Variants in RBFOX1 observed in about 807,000 individuals in gnomAD.
RBFOX1 encodes RNA binding fox-1 homolog 1, also known as RNA binding protein fox-1 homolog 1.
A neutral mutation model predicts 57.7 loss-of-function variants in RBFOX1; 8 were observed. The observed-to-expected ratio is 0.14, with a 90% CI of 0.08 to 0.25. The LOEUF is 0.25. Among genes scored for constraint, RBFOX1 ranks in the 10% least tolerant of loss-of-function variants. The pLI, the probability that RBFOX1 is intolerant of heterozygous loss-of-function variation, is 1.00. For missense variants in RBFOX1, 611 were observed against 548.5 expected (o/e 1.11, Z -1.14); for synonymous variants, 326 against 222.4 (o/e 1.47, Z -4.15).
intron 10 of RBFOX1, among the ~76,000 whole-genome samples, chr16:7,630,311 AC>A (rs2060741768): frequency 1.3e-5 from 2 of 151,936 alleles, no homozygotes; most frequent in South Asian, 4.2e-4. Context: ...TCAGTATGCC[AC>A]GCTGCTTCCA....
chr16:6,261,772 G>A (rs911653784), intron 1 of RBFOX1, among the ~76,000 whole-genome samples: 9 of 151,986 alleles, frequency 5.9e-5, no homozygotes, highest in Non-Finnish European at 8.8e-5. Flanking sequence ...GAGGCAGGTG[G>A]ATCACTTGAG....
intron 4 of RBFOX1, among the ~76,000 whole-genome samples, chr16:7,125,166 G>A (rs2068175845): frequency 6.6e-6 from 1 of 152,168 alleles, no homozygotes; most frequent in South Asian, 2.1e-4. Context: ...GCATGGTGGT[G>A]TTAAGTGTAA....
chr16:6,736,827 C>G lies in RBFOX1; in HGVS notation c.-16+82177C>G, dbSNP rs141891214. 7.5e-3 allele frequency among the ~76,000 whole-genome samples: 1,134 copies of G among 152,192 alleles called. 3 individuals are homozygous for G. The highest frequency in any genetic ancestry group is 0.012 in the Admixed American group (177 of 15,284). On this transcript the variant is annotated intron_variant, in intron 3 of 15. Transcript: ENST00000550418. ...AATGCTGTATTCATACATCTGAATT[C>G]CAGATGTGGATACCCTGGAAAGTGG... is the stretch of plus-strand genomic sequence containing the variant.
intron 4 of RBFOX1, among the ~76,000 whole-genome samples, chr16:7,287,862 A>G (rs923772268): frequency 2.6e-5 from 4 of 152,078 alleles, no homozygotes; most frequent in African/African-American, 9.7e-5. Context: ...TCCCCCACCC[A>G]TTTCGTGTGC....
chr16:5,259,974 T>A (rs8064071), intron 1 of RBFOX1, among the ~76,000 whole-genome samples: 65,296 of 151,960 alleles, frequency 0.43, 15,173 homozygotes, highest in East Asian at 0.68. Flanking sequence ...GCTGAGGTGG[T>A]CAGATCACTT....
chr16:6,719,364 T>G (rs1472511778), intron 3 of RBFOX1, among the ~76,000 whole-genome samples: 1 of 152,002 alleles, frequency 6.6e-6, no homozygotes, highest in African/African-American at 2.4e-5. Context: ...GTGTTAAAAT[T>G]ATCAGGGAAT....
intron 3 of RBFOX1, among the ~76,000 whole-genome samples, chr16:6,895,240 T>C (rs951777290): frequency 6.6e-6 from 1 of 151,624 alleles, no homozygotes; most frequent in African/African-American, 2.4e-5. Context: ...CAAATGTATA[T>C]CCCAAATGTA....
intron 4 of RBFOX1, among the ~76,000 whole-genome samples, chr16:7,285,421 T>C (rs796150096): frequency 9.2e-5 from 14 of 151,978 alleles, no homozygotes; most frequent in African/African-American, 3.1e-4. Context: ...GTGGTGGTAG[T>C]TTTATCTGGT....
intron 1 of RBFOX1, among the ~76,000 whole-genome samples, chr16:6,283,530 C>T (rs2076605671): frequency 6.6e-6 from 1 of 152,094 alleles, no homozygotes; most frequent in South Asian, 2.1e-4. Context: ...ACGTAGTATA[C>T]ATAGGTATTA....
chr16:6,146,087 C>G (rs1357609532), intron 1 of RBFOX1, among the ~76,000 whole-genome samples: 1 of 152,152 alleles, frequency 6.6e-6, no homozygotes, highest in Non-Finnish European at 1.5e-5. Flanking sequence ...TGTGTTCTAA[C>G]TATGGTGCTT....
chr16:6,045,080 G>A (rs982836555), intron 1 of RBFOX1, among the ~76,000 whole-genome samples: 1 of 152,142 alleles, frequency 6.6e-6, no homozygotes, highest in Non-Finnish European at 1.5e-5. Flanking sequence ...AAGCATCCAG[G>A]GTTCAGACCA....
chr16:5,969,468 C>G (rs1315733938), intron 4 of RBFOX1, among the ~76,000 whole-genome samples: 1 of 145,098 alleles, frequency 6.9e-6, no homozygotes, highest in Non-Finnish European at 1.5e-5. Context: ...CATGCCATCA[C>G]GCCTGGCTAT....
intron 1 of RBFOX1, among the ~76,000 whole-genome samples, chr16:5,363,375 G>T (rs1875166941): frequency 6.6e-6 from 1 of 152,144 alleles, no homozygotes; most frequent in South Asian, 2.1e-4. Context: ...AAGTGGGATT[G>T]CAGATCATAT....
At chr16:5,408,386 C>A (rs949488148) in intron 1 of RBFOX1, among the ~76,000 whole-genome samples, 6 of 152,138 alleles carry the variant, frequency 3.9e-5, no homozygotes, top group African/African-American at 1.2e-4. Context: ...GCAAGGCAGG[C>A]TGGGGGCAGC....
At chr16:6,470,674 C>G (rs2095153453) in intron 2 of RBFOX1, among the ~76,000 whole-genome samples, 2 of 152,170 alleles carry the variant, frequency 1.3e-5, no homozygotes, top group Admixed American at 6.5e-5. Context: ...CTTATCTTTC[C>G]CAGGTATTTG....
intron 4 of RBFOX1, among the ~76,000 whole-genome samples, chr16:5,930,520 G>A (rs1424828796): frequency 4.0e-5 from 3 of 74,158 alleles, no homozygotes; most frequent in African/African-American, 1.8e-4. Flanking sequence ...GTAGGTGGGA[G>A]GGTGGGTATG....
intron 4 of RBFOX1, among the ~76,000 whole-genome samples, chr16:7,073,895 A>G (rs1447042458): frequency 6.8e-6 from 1 of 147,106 alleles, no homozygotes; most frequent in East Asian, 2.3e-4. Flanking sequence ...ATGTGTAGAA[A>G]AGAAAAAAAA....
chr16:7,510,353 T>C, intron 4 of RBFOX1: 2 of 984,518 alleles, frequency 2.0e-6, no homozygotes, highest in African/African-American at 1.7e-5. Context: ...TCACTCAAAA[T>C]TGCGATTTGA....
intron 1 of RBFOX1, among the ~76,000 whole-genome samples, chr16:6,169,598 A>C (rs538057163): frequency 6.6e-6 from 1 of 152,258 alleles, no homozygotes; most frequent in East Asian, 1.9e-4. Context: ...GAAATGAGGT[A>C]CAGAAATTAG....
Sources: allele counts gnomAD v4.1 joint callset (sites outside exome capture counted in the v4.1 genomes callset), GRCh38; gene constraint gnomAD v4.1.1; transcripts MANE v1.5; gene names NCBI Gene and HGNC (gene_info 2026-07-23, HGNC 2026-07-21).